The following PIK3C2B variants were observed in gnomAD, a reference collection of about 807,000 sequenced individuals.
The protein encoded by PIK3C2B is phosphatidylinositol 4-phosphate 3-kinase C2 domain-containing subunit beta.
PIK3C2B carries 83 observed loss-of-function variants against 184.3 expected under a neutral mutation model. The observed-to-expected ratio is 0.45, with a 90% confidence interval of 0.38 to 0.54. The LOEUF is 0.54. PIK3C2B is among the 20% of genes least tolerant of loss of function. PIK3C2B has a pLI of 0.00. For missense variants in PIK3C2B, 1,736 were observed against 2,113.5 expected (o/e 0.82, Z 3.50); for synonymous variants, 779 against 837.6 (o/e 0.93, Z 1.21).
chr1:204,481,853 C>T (rs1435110587), intron 1 of PIK3C2B, among the ~76,000 whole-genome samples: 1 of 152,192 alleles, frequency 6.6e-6, no homozygotes, highest in Non-Finnish European at 1.5e-5. Context: ...GGGGTCCCCA[C>T]AGACCAGGGT....
intron 20 of PIK3C2B, among the ~76,000 whole-genome samples, chr1:204,441,891 G>C (rs1234054393): frequency 6.6e-6 from 1 of 152,110 alleles, no homozygotes; most frequent in African/African-American, 2.4e-5. Flanking sequence ...CTGTAAAAGG[G>C]GACTCCCAAT....
chr1:204,469,789 T>C lies in PIK3C2B; in HGVS notation c.14A>G (p.Gln5Arg), dbSNP rs1386448883. The change falls in exon 2 of 33, where the codon CAG becomes CGG. Residue 5 changes from glutamine to arginine, a missense_variant. By Grantham distance (43) the Gln-to-Arg change is conservative. Around this residue, in one of 8 missense-constraint regions of PIK3C2B, gnomAD observed 404 missense variants for 418.0 expected, o/e 0.97. Coordinates refer to ENST00000684373, the MANE Select transcript of PIK3C2B (RefSeq NM_001377334.1). MSST[Q>R]GNGEHWKSLE... ...GGACTTCCAGTGTTCCCCATTGCCC[T>C]GAGTCGAAGACATGGTGAGGATGGG... 3.7e-6 allele frequency: 6 copies of C among 1,612,992 alleles called. No individual in the cohort carries two copies. The highest frequency in any genetic ancestry group is 2.2e-5 in the East Asian group (1 of 44,866).
chr1:204,432,499 AC>A (rs1315045802), intron 26 of PIK3C2B, 98 bp from the exon 27 acceptor site: 1 of 886,254 alleles, frequency 1.1e-6, no homozygotes, highest in Non-Finnish European at 1.8e-6. Context: ...CCTGAGACTA[AC>A]AATCAGCTCA....
At chr1:204,490,611 A>C (rs1657942566) in intron 1 of PIK3C2B, among the ~76,000 whole-genome samples, 1 of 151,736 alleles carries the variant, frequency 6.6e-6, no homozygotes, top group Non-Finnish European at 1.5e-5. Flanking sequence ...CAGTTTTGAT[A>C]CTCTATGTGA....
Position 204,424,084 on chromosome 1 carries a change from G to C in PIK3C2B, c.*768C>G, listed in dbSNP as rs752930828. On this transcript the variant is annotated 3_prime_UTR_variant, in exon 33 of 33. Coordinates refer to ENST00000684373, the MANE Select transcript of PIK3C2B (RefSeq NM_001377334.1). Reference sequence around the variant, plus strand: ...GACAAGAGGAAAAGTCCCCCCAAAAGAGCATGGGTCCCTGAATACGGGTCC... The same window carrying C: ...GACAAGAGGAAAAGTCCCCCCAAAACAGCATGGGTCCCTGAATACGGGTCC... 6.5e-6 allele frequency: 1 copy of C among 153,036 alleles called. No homozygotes were observed. The highest frequency in any genetic ancestry group is 1.5e-5 in the Non-Finnish European group (1 of 68,294). The allele number at this position is 153,036 out of a possible 1,614,324, so 9.5% of individuals were successfully genotyped here. A position where few individuals can be genotyped will look rare whatever the true frequency, so the allele number is the denominator to read the frequency against.
intron 9 of PIK3C2B, 87 bp downstream of exon 9, chr1:204,457,641 C>T: frequency 7.7e-7 from 1 of 1,296,002 alleles, no homozygotes. Flanking sequence ...AGTGAGTGAA[C>T]ACCTACACAC....
chr1:204,482,124 G>T (rs1032403191), intron 1 of PIK3C2B, among the ~76,000 whole-genome samples: 12 of 90,890 alleles, frequency 1.3e-4, no homozygotes, highest in Admixed American at 4.6e-4. Flanking sequence ...GGGGGGGGGG[G>T]GGTGCTCTCT....
At position 204,433,161 on chromosome 1, in the gene PIK3C2B, C is replaced by T. The variant is rs955729602; in HGVS notation, c.3953+155G>A. On this transcript the variant is annotated intron_variant, in intron 26 of 32. Coordinates refer to ENST00000684373, the MANE Select transcript of PIK3C2B (RefSeq NM_001377334.1). The surrounding 1 kb of genome is among the most constrained non-coding windows in gnomAD (Gnocchi z 5.0). ...GAAGCAAAATGATTTACCTAAATCA[C>T]GGGCAAAGTTGGGACAATGTATCCA... 3.9e-5 allele frequency among the ~76,000 whole-genome samples: 6 copies of T among 152,194 alleles called. No homozygotes were observed. The highest frequency in any genetic ancestry group is 1.5e-5 in the Non-Finnish European group (1 of 68,030).
intron 23 of PIK3C2B, among the ~76,000 whole-genome samples, chr1:204,436,801 T>C (rs1281352848): frequency 6.6e-6 from 1 of 152,190 alleles, no homozygotes; most frequent in African/African-American, 2.4e-5. Flanking sequence ...CCTCTGCATA[T>C]GGGTGTTTAA....
At chr1:204,452,288 CTTTT>C (rs71145086) in intron 12 of PIK3C2B, among the ~76,000 whole-genome samples, 95 of 71,074 alleles carry the variant, frequency 1.3e-3, no homozygotes, top group African/African-American at 3.7e-3. Context: ...GTGCAGCACC[CTTTT>C]TTTTTTTTTT....
At chr1:204,492,573 G>C (rs999408437) in intron 1 of PIK3C2B, among the ~76,000 whole-genome samples, 6 of 152,052 alleles carry the variant, frequency 3.9e-5, no homozygotes, top group Non-Finnish European at 5.9e-5. Flanking sequence ...ACCAAGCGGG[G>C]ACCAAAGGCC....
rs573003333 is a variant in PIK3C2B at position 204,482,028 on chromosome 1, A to G, written c.-84-12142T>C. 1.1e-4 allele frequency among the ~76,000 whole-genome samples: 16 copies of G among 151,530 alleles called. No individual in the cohort carries two copies. In the South Asian group the frequency reaches 2.3e-3, roughly 22 times the overall value. Reference sequence around the variant, plus strand: ...CCATTTGCATTAAAAAGCAGAATCTAAGGAGGGGAGCACCCAACCCAACAG... The same window carrying G: ...CCATTTGCATTAAAAAGCAGAATCTGAGGAGGGGAGCACCCAACCCAACAG... On this transcript the variant is annotated intron_variant, in intron 1 of 32. Coordinates refer to ENST00000684373, the MANE Select transcript of PIK3C2B (RefSeq NM_001377334.1).
At chr1:204,453,100 C>G (rs1654513828) in intron 12 of PIK3C2B, among the ~76,000 whole-genome samples, 1 of 152,204 alleles carries the variant, frequency 6.6e-6, no homozygotes, top group Non-Finnish European at 1.5e-5. Context: ...GCATCCTCGG[C>G]CTCCCCAGGA....
rs1237566641 is a variant in PIK3C2B, at chr1:204,443,604, G to A, written c.2868-7C>T. 3.7e-6 allele frequency: 6 copies of A among 1,613,452 alleles called. No individual in the cohort carries two copies. Among genetic ancestry groups the A allele is most frequent in the Admixed American group, 3.3e-5 (2 of 60,018 alleles). ...GAGGCCGTCCTTCAGTAACCTGCAA[G>A]GCAGAGGGAGTCAGGAGTCAGGGCA... On this transcript the variant is annotated splice_polypyrimidine_tract_variant and splice_region_variant and intron_variant, in intron 18 of 32. Transcript: ENST00000684373.
In PIK3C2B at chr1:204,424,557, C is replaced by T; in HGVS notation, c.*295G>A. Reference sequence around the variant, plus strand: ...TACTTCATACAGCCCACCCCACACACTCCCCAAACCAAGCATTGCTCCCTT... The same window carrying T: ...TACTTCATACAGCCCACCCCACACATTCCCCAAACCAAGCATTGCTCCCTT... On this transcript the variant is annotated 3_prime_UTR_variant, in exon 33 of 33. Transcript: ENST00000684373. 3.8e-6 allele frequency: 2 copies of T among 520,480 alleles called. No individual in the cohort carries two copies. Among genetic ancestry groups the T allele is most frequent in the Non-Finnish European group, 7.5e-6 (2 of 267,808 alleles). 32.2% of individuals were successfully genotyped at this position (520,480 alleles called of 1,614,324 possible).
In PIK3C2B at chr1:204,467,867, G is replaced by C. The variant is rs1179403777; in HGVS notation, c.933+1003C>G. Among the ~76,000 whole-genome samples, 5 of 145,346 alleles carry C rather than the reference G, an allele frequency of 3.4e-5. No individual in the cohort carries two copies. The East Asian group carries it at 1.0e-3, about 29-fold the overall frequency. On this transcript the variant is annotated intron_variant, in intron 2 of 32. Transcript: ENST00000684373. ...AAAAAAAAAGAAGGCATCAGCCATG[G>C]GGGTGTCACTTGTCTCTTGACTCCT...
intron 12 of PIK3C2B, 116 bp from the exon 13 acceptor site, chr1:204,450,133 C>T: frequency 1.2e-6 from 1 of 839,304 alleles, no homozygotes; most frequent in East Asian, 2.8e-5. Context: ...TCTCAGGGTT[C>T]AGACATACTC....
At position 204,433,798 on chromosome 1, in the gene PIK3C2B, C is replaced by G. The variant is rs779127105; in HGVS notation, c.3838G>C (p.Gly1280Arg). Reference sequence around the variant, plus strand: ...AAAGGGATGGAGCTCCTCACCAGGCCCAGAAGGTTGAGGAAGAGGTGGGTG... The same window carrying G: ...AAAGGGATGGAGCTCCTCACCAGGCGCAGAAGGTTGAGGAAGAGGTGGGTG... ...KHTHLFLNLLGLMLSCGIPEL... is the reference protein window; with the variant it reads ...KHTHLFLNLLRLMLSCGIPEL... The change falls in exon 25 of 33, where the codon GGC becomes CGC. Residue 1280 changes from glycine (G) to arginine (R), a missense_variant. Gly to Arg is a moderately radical substitution (Grantham distance 125, BLOSUM62 -2). Transcript: ENST00000684373. The surrounding 1 kb of genome is among the most constrained non-coding windows in gnomAD (Gnocchi z 5.0). The G allele has an allele frequency of 1.2e-6, 2 of 1,613,876 alleles. No homozygotes were observed. Among genetic ancestry groups the G allele is most frequent in the Non-Finnish European group, 1.7e-6 (2 of 1,179,830 alleles).
At chr1:204,441,687 A>G in intron 20 of PIK3C2B, 124 bp from the exon 21 acceptor site, 1 of 577,940 alleles carries the variant, frequency 1.7e-6, no homozygotes, top group Non-Finnish European at 3.1e-6. Context: ...AGACCTGCTC[A>G]TTGTTTCTTC....
Sources: allele counts gnomAD v4.1 joint callset (sites outside exome capture counted in the v4.1 genomes callset), GRCh38; gene constraint gnomAD v4.1.1; regional missense constraint gnomAD v4.1.1; non-coding constraint Gnocchi (gnomAD v3.1); transcripts MANE v1.5; gene names NCBI Gene and HGNC (gene_info 2026-07-23, HGNC 2026-07-21).